Variants in NEDD4 observed in about 807,000 individuals in gnomAD.
NEDD4 encodes the protein NEDD4 E3 ubiquitin protein ligase, also known as E3 ubiquitin-protein ligase NEDD4.
Under a neutral mutation model 144.9 loss-of-function variants are expected in NEDD4, and 99 were observed. That is an observed-to-expected ratio of 0.68 (90% CI 0.58 to 0.81). The LOEUF (loss-of-function observed/expected upper bound fraction) is 0.81. Ranked by LOEUF, NEDD4 falls within the 30% of genes least tolerant of loss-of-function variation. NEDD4 has a pLI of 0.00. For synonymous variants in NEDD4, 318 were observed against 350.6 expected, an observed-to-expected ratio of 0.91 and a Z score of 1.04; for missense variants, 985 against 1,065.9, an observed-to-expected ratio of 0.92 and a Z score of 1.06.
Position 55,878,787 on chromosome 15 carries a change from A to G in NEDD4, c.292-4779T>C, listed in dbSNP as rs62043795. The stretch of plus-strand genomic sequence containing the variant: ...GAAATGAACGGATATACAAAATAAC[A>G]TATATAAATCTCAAAGAAAAGTGGT... On this transcript the variant is annotated intron_variant, in intron 5 of 28. Coordinates refer to ENST00000435532, the MANE Select transcript of NEDD4 (RefSeq NM_006154.4). 6.3e-3 allele frequency among the ~76,000 whole-genome samples: 954 copies of G among 152,350 alleles called. 12 individuals carry two copies. The highest frequency in any genetic ancestry group is 0.037 in the South Asian group (179 of 4,832).
chr15:55,860,672 CTCGG>C lies in NEDD4; in HGVS notation c.777_780del (p.Asn259LysfsTer10). On this transcript the variant is annotated frameshift_variant, in exon 10 of 29. Coordinates refer to ENST00000435532, the MANE Select transcript of NEDD4 (RefSeq NM_006154.4). LOFTEE classifies it high-confidence loss of function. Reference sequence around the variant, plus strand: ...GAAACTACTTATACCTCGGAAGACTCTCGGTTGTCAACACTTTCTGTTTCCTCGG... The same window carrying C: ...GAAACTACTTATACCTCGGAAGACTCTTGTCAACACTTTCTGTTTCCTCGG... The C allele has an allele frequency of 6.2e-7, 1 of 1,614,134 alleles. No individual in the cohort carries two copies. The highest frequency in any genetic ancestry group is 8.5e-7 in the Non-Finnish European group (1 of 1,179,978).
chr15:55,863,711 A>G lies in NEDD4; in HGVS notation c.508-632T>C, dbSNP rs558844070. Among the ~76,000 whole-genome samples, 110 of 152,316 alleles carry G rather than the reference A, an allele frequency of 7.2e-4. 2 individuals are homozygous for G. In the South Asian group the frequency reaches 0.021, roughly 30 times the overall value. ...AGTGTAATCTTAGGCTGTTCTCTAA[A>G]TTATCAACTGAATGAAGGGCAAGGA... On this transcript the variant is annotated intron_variant, in intron 8 of 28. Coordinates refer to ENST00000435532, the MANE Select transcript of NEDD4 (RefSeq NM_006154.4).
chr15:55,985,297 T>C (rs1249417940), intron 1 of NEDD4, among the ~76,000 whole-genome samples: 24 of 151,830 alleles, frequency 1.6e-4, no homozygotes, highest in African/African-American at 5.6e-4. Flanking sequence ...GTCTGTGGAG[T>C]GAGGGTGAAT....
chr15:55,955,037 T>C (rs1317276794), intron 2 of NEDD4, among the ~76,000 whole-genome samples: 1 of 147,614 alleles, frequency 6.8e-6, no homozygotes, highest in Non-Finnish European at 1.5e-5. Flanking sequence ...CCAGCATTTT[T>C]TGAGACAGAG....
intron 17 of NEDD4, 38 bp downstream of exon 17, chr15:55,848,334 G>A (rs764435885): frequency 2.1e-5 from 34 of 1,590,516 alleles, no homozygotes; most frequent in Non-Finnish European, 2.3e-5. Flanking sequence ...ACAGGTGAGC[G>A]GACAGTCCCA....
At chr15:55,903,498 A>G (rs1383499358) in intron 5 of NEDD4, among the ~76,000 whole-genome samples, 1 of 152,154 alleles carries the variant, frequency 6.6e-6, no homozygotes, top group Non-Finnish European at 1.5e-5. Context: ...GCTGTTTTAA[A>G]CTTTTACAAA....
At chr15:55,855,195 A>G (rs1325284685) in intron 12 of NEDD4, among the ~76,000 whole-genome samples, 2 of 152,194 alleles carry the variant, frequency 1.3e-5, no homozygotes, top group African/African-American at 4.8e-5. Context: ...TTAGACAGAT[A>G]ACCCACTCAT....
chr15:55,987,230 G>A (rs2037910961), intron 1 of NEDD4: 1 of 52,938 alleles, frequency 1.9e-5, no homozygotes, highest in Non-Finnish European at 3.8e-5. Flanking sequence ...CAGTGATGAT[G>A]AGCATTTCTT....
At chr15:55,990,450 C>T (rs1274235324) in intron 1 of NEDD4, among the ~76,000 whole-genome samples, 2 of 152,082 alleles carry the variant, frequency 1.3e-5, no homozygotes, top group Non-Finnish European at 2.9e-5. Flanking sequence ...TCAATCTTGA[C>T]GTCTGGAAGC....
intron 18 of NEDD4, among the ~76,000 whole-genome samples, chr15:55,844,576 T>C (rs1314535608): frequency 1.3e-5 from 2 of 152,154 alleles, no homozygotes; most frequent in Non-Finnish European, 2.9e-5. Flanking sequence ...AGTGACACTT[T>C]GGGCAGGTTA....
intron 5 of NEDD4, 141 bp from the exon 6 acceptor site, chr15:55,874,149 A>T (rs749904706): frequency 2.1e-6 from 1 of 470,736 alleles, no homozygotes; most frequent in Non-Finnish European, 3.9e-6. Context: ...GAAAATAAAA[A>T]GTAATGTGGT....
At chr15:55,890,229 C>T (rs1376850327) in intron 5 of NEDD4, among the ~76,000 whole-genome samples, 1 of 151,924 alleles carries the variant, frequency 6.6e-6, no homozygotes, top group Non-Finnish European at 1.5e-5. Context: ...TACAATTAAC[C>T]CACTTAGAGT....
At chr15:55,914,651 T>C (rs928689682) in intron 5 of NEDD4, among the ~76,000 whole-genome samples, 18 of 151,926 alleles carry the variant, frequency 1.2e-4, no homozygotes, top group Non-Finnish European at 2.5e-4. Flanking sequence ...AAAATTCCTG[T>C]GGTTAAGGGT....
chr15:55,905,952 C>T (rs2036076492), intron 5 of NEDD4, among the ~76,000 whole-genome samples: 1 of 152,132 alleles, frequency 6.6e-6, no homozygotes, highest in African/African-American at 2.4e-5. Context: ...CTTGCCCATG[C>T]CATCAACAAG....
intron 9 of NEDD4, among the ~76,000 whole-genome samples, chr15:55,861,670 T>C (rs1287751951): frequency 6.6e-6 from 1 of 152,076 alleles, no homozygotes; most frequent in African/African-American, 2.4e-5. Context: ...ATATACCTAC[T>C]AGGGACCCAC....
intron 4 of NEDD4, among the ~76,000 whole-genome samples, chr15:55,926,026 CGTAT>C (rs1461577339): frequency 6.6e-5 from 10 of 151,520 alleles, no homozygotes; most frequent in Admixed American, 1.3e-4. Context: ...AATACATATA[CGTAT>C]GTATCATATA....
At chr15:55,879,692 C>T (rs2035115519) in intron 5 of NEDD4, among the ~76,000 whole-genome samples, 1 of 152,030 alleles carries the variant, frequency 6.6e-6, no homozygotes, top group African/African-American at 2.4e-5. Flanking sequence ...GATGAACCAC[C>T]TGTCAAACAA....
chr15:55,983,365 C>T (rs562024998), intron 1 of NEDD4, among the ~76,000 whole-genome samples: 44 of 152,302 alleles, frequency 2.9e-4, no homozygotes, highest in Non-Finnish European at 4.7e-4. Flanking sequence ...ATCCTTAACA[C>T]GGCATGCCAG....
At chr15:55,950,705 G>C (rs2037222392) in intron 4 of NEDD4, among the ~76,000 whole-genome samples, 1 of 152,096 alleles carries the variant, frequency 6.6e-6, no homozygotes, top group South Asian at 2.1e-4. Context: ...TCCCATGAAT[G>C]TTCCTTATTC....
Sources: gnomAD v4.1 joint callset for allele counts (sites outside exome capture counted in the v4.1 genomes callset) on GRCh38, gnomAD v4.1.1 for gene constraint, MANE v1.5 for transcripts, NCBI Gene and HGNC (gene_info 2026-07-23, HGNC 2026-07-21) for gene names.